The following ZNF544 variants were observed in gnomAD, a reference collection of about 807,000 sequenced individuals.
ZNF544 encodes zinc finger protein 544.
A neutral mutation model predicts 13.5 loss-of-function variants in ZNF544; 10 were observed. The ratio of observed to expected loss-of-function variants is 0.74; its 90% CI spans 0.46 to 1.25. The LOEUF is 1.25. ZNF544 is among the 50% of genes most tolerant of loss of function. ZNF544 has a pLI of 0.00. For missense variants in ZNF544, 896 were observed against 845.6 expected (o/e 1.06, Z -0.74); for synonymous variants, 323 against 300.5 (o/e 1.07, Z -0.77).
chr19:58,242,028 G>A (rs551287986), intron 3 of ZNF544, among the ~76,000 whole-genome samples: 5 of 152,236 alleles, frequency 3.3e-5, no homozygotes, highest in East Asian at 1.9e-4. Context: ...TAGGACCTGC[G>A]AAGCTCATGC....
intron 3 of ZNF544, among the ~76,000 whole-genome samples, chr19:58,240,515 C>T (rs1600244096): frequency 6.6e-6 from 1 of 152,114 alleles, no homozygotes; most frequent in East Asian, 1.9e-4. Flanking sequence ...CCTCAGCCTC[C>T]CAAAGTGCTG....
At chr19:58,252,783 A>G (rs547053375) in intron 6 of ZNF544, among the ~76,000 whole-genome samples, 4 of 152,342 alleles carry the variant, frequency 2.6e-5, no homozygotes, top group South Asian at 2.1e-4. Context: ...TTTTAGAAAC[A>G]TATTTCCCCG....
intron 6 of ZNF544, among the ~76,000 whole-genome samples, chr19:58,256,927 A>G (rs1366736173): frequency 6.6e-6 from 1 of 152,136 alleles, no homozygotes; most frequent in Non-Finnish European, 1.5e-5. Context: ...AGTTAGAGTA[A>G]AAACAAGCTT....
At chr19:58,271,068 C>A (rs2050572558) in intron 5 of ZNF544, among the ~76,000 whole-genome samples, 1 of 151,426 alleles carries the variant, frequency 6.6e-6, no homozygotes, top group African/African-American at 2.4e-5. Flanking sequence ...AAAGATTAGC[C>A]CAGCGTGGTG....
In ZNF544 at chr19:58,262,706, A is replaced by G. The variant is rs1157006455; in HGVS notation, c.2100A>G (p.Gln700=). 13 of 1,610,894 alleles carry G rather than the reference A, an allele frequency of 8.1e-6. No homozygotes were observed. Among genetic ancestry groups the G allele is most frequent in the South Asian group, 1.1e-5 (1 of 90,878 alleles). ...CSDCGKSFRQ[Q]SQLVVHRRTH... ...ACTGTGGGAAATCCTTCCGGCAGCA[A>G]TCTCAACTTGTAGTGCATCGGCGGA... The change falls in exon 7 of 7, where the codon CAA becomes CAG. Residue 700 remains glutamine (Q), a synonymous_variant. Transcript: ENST00000687789.
At chr19:58,233,684 G>T (rs1389147123) in intron 3 of ZNF544, among the ~76,000 whole-genome samples, 2 of 152,126 alleles carry the variant, frequency 1.3e-5, no homozygotes. Context: ...GTAAATCATT[G>T]AATTCCCTTG....
intron 6 of ZNF544, 185 bp from the exon 7 acceptor site, chr19:58,260,666 C>T (rs906698890): frequency 3.6e-6 from 2 of 557,634 alleles, no homozygotes; most frequent in Non-Finnish European, 6.2e-6. Flanking sequence ...TTGTATTTTG[C>T]ACTTTACCAC....
At position 58,261,044 on chromosome 19, in the gene ZNF544, C is replaced by G. The variant is rs2048825406; in HGVS notation, c.438C>G (p.Thr146=). ...QENSLRFMVL[T]SERLFAQREH... is the part of the protein sequence containing the mutation. ...ACTCCTTGAGGTTCATGGTACTCAC[C>G]TCAGAGAGACTGTTTGCTCAAAGGG... The change falls in exon 7 of 7, where the codon ACC becomes ACG. Residue 146 remains threonine, a synonymous_variant. Coordinates refer to ENST00000687789, the MANE Select transcript of ZNF544 (RefSeq NM_014480.4). 6.2e-7 allele frequency: 1 copy of G among 1,614,074 alleles called. No homozygotes were observed. Among genetic ancestry groups the G allele is most frequent in the African/African-American group, 1.3e-5 (1 of 74,926 alleles).
Position 58,270,170 on chromosome 19 carries a change from TGTGA to T in ZNF544, c.245-6150_245-6147del, listed in dbSNP as rs1203606747. Among the ~76,000 whole-genome samples the T allele has an allele frequency of 2.0e-5, 3 of 152,202 alleles. No homozygotes were observed. In the East Asian group the frequency reaches 5.8e-4, roughly 29 times the overall value. ...GAAAGTAGTGTTCACTTGACACTGATGTGAGTAATTCTTGCTGGAGGGGGCAAAA... is the reference window on the plus strand; with the variant it reads ...GAAAGTAGTGTTCACTTGACACTGATGTAATTCTTGCTGGAGGGGGCAAAA... On this transcript the variant is annotated intron_variant, in intron 5 of 6. Coordinates refer to the ZNF544 transcript ENST00000595981.
At chr19:58,270,352 A>G (rs1393323207) in intron 5 of ZNF544, among the ~76,000 whole-genome samples, 5 of 141,348 alleles carry the variant, frequency 3.5e-5, no homozygotes, top group Admixed American at 3.1e-4. Flanking sequence ...CCCAGTCTGG[A>G]GTGCAGTGGC....
chr19:58,235,665 A>G (rs371924483), intron 3 of ZNF544, among the ~76,000 whole-genome samples: 16 of 152,236 alleles, frequency 1.1e-4, no homozygotes, highest in South Asian at 4.1e-4. Flanking sequence ...TAGCCATTCT[A>G]TAGTGCATAT....
chr19:58,266,329 C>G (rs1269405123), downstream of ZNF544, among the ~76,000 whole-genome samples: 2 of 149,246 alleles, frequency 1.3e-5, no homozygotes, highest in Non-Finnish European at 3.0e-5. Flanking sequence ...TCCTGGCTAA[C>G]ACAGTGAAAC....
At position 58,237,566 on chromosome 19, in the gene ZNF544, C is replaced by T. The variant is rs1037028898; in HGVS notation, c.-59-6399C>T. Reference sequence around the variant, plus strand: ...GGCTGACGGAGCCAGACCCTTGCCCCGCCAGCGGTCCGAGGGGCCCTTCCA... The same window carrying T: ...GGCTGACGGAGCCAGACCCTTGCCCTGCCAGCGGTCCGAGGGGCCCTTCCA... On this transcript the variant is annotated intron_variant, in intron 3 of 6. Transcript: ENST00000687789. 3.9e-5 allele frequency among the ~76,000 whole-genome samples: 6 copies of T among 152,350 alleles called. No individual in the cohort carries two copies. The East Asian group carries it at 7.7e-4, about 20-fold the overall frequency.
intron 3 of ZNF544, among the ~76,000 whole-genome samples, chr19:58,234,516 C>T (rs1158349828): frequency 6.6e-6 from 1 of 152,240 alleles, no homozygotes; most frequent in Non-Finnish European, 1.5e-5. Context: ...TTGGAGTGAG[C>T]CCAGAGTTAA....
At position 58,276,647 on chromosome 19, in the gene ZNF544, T is replaced by C. The variant is rs903821974; in HGVS notation, c.351+218T>C. 2.0e-5 allele frequency among the ~76,000 whole-genome samples: 3 copies of C among 152,252 alleles called. No homozygotes were observed. In the South Asian group the frequency reaches 6.2e-4, roughly 32 times the overall value. On this transcript the variant is annotated intron_variant, in intron 6 of 6. Transcript: ENST00000595981. ...CACACCTGGCTAATTTTTGTATTTG[T>C]ATTAGAGACAAGGTTTCACCATGTT...
intron 6 of ZNF544, chr19:58,257,666 T>C (rs1450097667): frequency 2.6e-5 from 4 of 152,238 alleles, no homozygotes; most frequent in Admixed American, 6.5e-5. Context: ...ATTCCGTTCA[T>C]GAAGTCAGCA....
In ZNF544 at chr19:58,261,128, A is replaced by C. The variant is rs200562630; in HGVS notation, c.522A>C (p.Leu174=). 17 of 1,614,154 alleles carry C rather than the reference A, an allele frequency of 1.1e-5. No homozygotes were observed. In the East Asian group the frequency reaches 3.8e-4, roughly 36 times the overall value. ...CTCTACCTTCTACTTTAAGCCTTCT[A>C]CCTACAACATTACCTACAAGTACAG... The part of the protein sequence containing the change: ...GYSLPSTLSL[L]PTTLPTSTGF... Residue 174 remains leucine, a synonymous_variant, in exon 7 of 7, where the codon CTA becomes CTC. Transcript: ENST00000687789.
At chr19:58,276,262 C>A in intron 5 of ZNF544, 1 of 874,294 alleles carries the variant, frequency 1.1e-6, no homozygotes, top group Non-Finnish European at 1.5e-6. Context: ...ACCTCTCCAA[C>A]ACTGGTGGCC....
chr19:58,234,054 G>A (rs1568738803), intron 3 of ZNF544, among the ~76,000 whole-genome samples: 1 of 152,152 alleles, frequency 6.6e-6, no homozygotes, highest in Non-Finnish European at 1.5e-5. Context: ...TGTCCCTTGA[G>A]TCCTGGCCTT....
Sources: allele counts gnomAD v4.1 joint callset (sites outside exome capture counted in the v4.1 genomes callset), GRCh38; gene constraint gnomAD v4.1.1; transcripts MANE v1.5; gene names NCBI Gene and HGNC (gene_info 2026-07-23, HGNC 2026-07-21).